The following MMP26 variants were observed in gnomAD, a reference collection of about 807,000 sequenced individuals.
MMP26 encodes the protein matrix metallopeptidase 26, also known as matrix metalloproteinase-26.
A neutral mutation model predicts 31.0 loss-of-function variants in MMP26; 33 were observed. The ratio of observed to expected loss-of-function variants is 1.06; its 90% CI spans 0.81 to 1.42. MMP26 has a LOEUF of 1.42. MMP26 is among the 40% of genes most tolerant of loss of function. The pLI is 0.00. For synonymous variants in MMP26, 122 were observed against 114.9 expected (o/e 1.06, Z -0.40); for missense variants, 347 against 316.1 (o/e 1.10, Z -0.74).
intron 1 of MMP26, among the ~76,000 whole-genome samples, chr11:4,749,457 C>A (rs1848420762): frequency 6.6e-5 from 10 of 151,708 alleles, no homozygotes; most frequent in Admixed American, 6.6e-4. Context: ...AAAAAAGGAG[C>A]CTGAATAGCC....
intron 2 of MMP26, among the ~76,000 whole-genome samples, chr11:4,927,960 G>A (rs956232136): frequency 6.6e-6 from 1 of 151,906 alleles, no homozygotes; most frequent in African/African-American, 2.4e-5. Context: ...CAAGATGTTA[G>A]GATGTTTCTA....
chr11:4,862,143 C>T (rs1011069711), intron 2 of MMP26, among the ~76,000 whole-genome samples: 1 of 152,156 alleles, frequency 6.6e-6, no homozygotes, highest in African/African-American at 2.4e-5. Flanking sequence ...GCTATCCTTC[C>T]CAATTATGCC....
chr11:4,798,116 T>G (rs559126123), intron 2 of MMP26, among the ~76,000 whole-genome samples: 1 of 152,234 alleles, frequency 6.6e-6, no homozygotes, highest in Non-Finnish European at 1.5e-5. Flanking sequence ...TTCAAATCTC[T>G]TTTACGACGG....
intron 2 of MMP26, among the ~76,000 whole-genome samples, chr11:4,866,937 G>A (rs1850243480): frequency 6.6e-6 from 1 of 152,042 alleles, no homozygotes; most frequent in Non-Finnish European, 1.5e-5. Flanking sequence ...ATCAACTCAA[G>A]ATGGACTAAA....
intron 2 of MMP26, chr11:4,943,334 T>G: frequency 2.9e-6 from 1 of 341,386 alleles, no homozygotes; most frequent in Non-Finnish European, 5.8e-6. Flanking sequence ...TCAAGTGAAG[T>G]CTTTCAGTTT....
intron 1 of MMP26, among the ~76,000 whole-genome samples, chr11:4,758,937 C>A (rs1848538139): frequency 6.6e-6 from 1 of 151,528 alleles, no homozygotes; most frequent in Non-Finnish European, 1.5e-5. Flanking sequence ...CACAGAGAAA[C>A]CCCGTCTCTG....
chr11:4,867,358 G>A (rs923981941), intron 2 of MMP26, among the ~76,000 whole-genome samples: 15 of 148,584 alleles, frequency 1.0e-4, no homozygotes, highest in Admixed American at 2.0e-4. Context: ...GATCATTAGG[G>A]AACTACAAAA....
intron 2 of MMP26, among the ~76,000 whole-genome samples, chr11:4,805,728 C>T (rs573424304): frequency 6.6e-6 from 1 of 152,266 alleles, no homozygotes; most frequent in South Asian, 2.1e-4. Context: ...CCAGACAGAG[C>T]CCTATTGACT....
chr11:4,933,870 A>G (rs1851390858), intron 2 of MMP26, among the ~76,000 whole-genome samples: 1 of 149,750 alleles, frequency 6.7e-6, no homozygotes, highest in Non-Finnish European at 1.5e-5. Flanking sequence ...GATGATTTCC[A>G]ATTTCATCCA....
At chr11:4,760,387 A>G (rs1367712299) in intron 1 of MMP26, among the ~76,000 whole-genome samples, 1 of 152,222 alleles carries the variant, frequency 6.6e-6, no homozygotes, top group Non-Finnish European at 1.5e-5. Flanking sequence ...AACCACCTAC[A>G]TGGAGGCAAA....
intron 2 of MMP26, chr11:4,881,868 C>A (rs764433551): frequency 6.3e-7 from 1 of 1,575,490 alleles, no homozygotes; most frequent in Non-Finnish European, 8.7e-7. Flanking sequence ...AATTATTTTT[C>A]TTTCCTCATA....
At chr11:4,944,479 A>AT (rs1196683609) in intron 2 of MMP26, 1 of 156,076 alleles carries the variant, frequency 6.4e-6, no homozygotes, top group Non-Finnish European at 1.4e-5. Context: ...TTTACAAACA[A>AT]TGTTTGTATC....
intron 1 of MMP26, among the ~76,000 whole-genome samples, chr11:4,754,635 C>A (rs750734432): frequency 1.3e-5 from 2 of 151,938 alleles, no homozygotes; most frequent in Non-Finnish European, 2.9e-5. Flanking sequence ...CATTTTTACA[C>A]AAGTTTTATC....
At chr11:4,973,608 C>G (rs1278327776) in intron 2 of MMP26, 2 of 156,774 alleles carry the variant, frequency 1.3e-5, no homozygotes, top group East Asian at 3.9e-4. Flanking sequence ...GGGGAAATTC[C>G]TGGAGCATTG....
chr11:4,930,498 C>T (rs1039689772), intron 2 of MMP26, among the ~76,000 whole-genome samples: 1 of 152,070 alleles, frequency 6.6e-6, no homozygotes, highest in South Asian at 2.1e-4. Flanking sequence ...TTTGGGCTGG[C>T]AGAAAATTTA....
chr11:4,900,310 C>T (rs1215415377), intron 2 of MMP26, among the ~76,000 whole-genome samples: 2 of 152,210 alleles, frequency 1.3e-5, no homozygotes, highest in Non-Finnish European at 2.9e-5. Context: ...AACAAACCTA[C>T]ACCCATCATA....
At chr11:4,982,311 A>G (rs544176401) in intron 2 of MMP26, among the ~76,000 whole-genome samples, 1 of 152,272 alleles carries the variant, frequency 6.6e-6, no homozygotes, top group Admixed American at 6.5e-5. Flanking sequence ...CAGAAATGCA[A>G]TGTGTTATGA....
intron 2 of MMP26, among the ~76,000 whole-genome samples, chr11:4,983,960 C>T (rs749683228): frequency 3.3e-5 from 5 of 152,210 alleles, no homozygotes; most frequent in African/African-American, 4.8e-5. Context: ...CAACACATTA[C>T]TTCCCTTATC....
chr11:4,959,480 C>A (rs184982232), intron 2 of MMP26, among the ~76,000 whole-genome samples: 1 of 152,046 alleles, frequency 6.6e-6, no homozygotes, highest in Non-Finnish European at 1.5e-5. Context: ...AACACAATCC[C>A]TGCCCTCTCT....
Sources: allele counts gnomAD v4.1 joint callset (sites outside exome capture counted in the v4.1 genomes callset), GRCh38; gene constraint gnomAD v4.1.1; transcripts MANE v1.5; gene names NCBI Gene and HGNC (gene_info 2026-07-23, HGNC 2026-07-21).